ACSM1: variants seen among roughly 807,000 people sequenced by gnomAD.
The protein encoded by ACSM1 is acyl-CoA synthetase medium chain family member 1.
In ACSM1, 79 loss-of-function variants were observed where a neutral mutation model predicts 75.8. The observed-to-expected ratio is 1.04, with a 90% CI of 0.87 to 1.26. ACSM1 has a LOEUF of 1.26. Ranked by LOEUF, ACSM1 falls within the 50% of genes most tolerant of loss-of-function variation. The pLI is 0.00. For synonymous variants in ACSM1, 279 were observed against 265.8 expected (o/e 1.05, Z -0.48); for missense variants, 676 against 720.1 (o/e 0.94, Z 0.70).
chr16:20,682,667 T>G (rs982181634), intron 3 of ACSM1, among the ~76,000 whole-genome samples: 3 of 152,220 alleles, frequency 2.0e-5, no homozygotes, highest in Non-Finnish European at 4.4e-5. Flanking sequence ...TAACAAGTTT[T>G]CCAAGTGATT....
At chr16:20,656,669 T>C (rs766461732) in intron 7 of ACSM1, among the ~76,000 whole-genome samples, 14 of 152,164 alleles carry the variant, frequency 9.2e-5, no homozygotes, top group Admixed American at 7.2e-4. Flanking sequence ...CCTTGTTTAC[T>C]TCAAGGAAGC....
intron 2 of ACSM1, among the ~76,000 whole-genome samples, chr16:20,685,851 A>T (rs1231272730): frequency 6.8e-6 from 1 of 146,804 alleles, no homozygotes; most frequent in African/African-American, 2.5e-5. Flanking sequence ...AAAAAACAAA[A>T]AACTTATAGC....
chr16:20,646,091 T>C (rs2018344009), intron 7 of ACSM1, among the ~76,000 whole-genome samples: 1 of 151,304 alleles, frequency 6.6e-6, no homozygotes, highest in Non-Finnish European at 1.5e-5. Flanking sequence ...AGATCAGGAG[T>C]AGCAGGTGGA....
At chr16:20,633,761 A>G (rs947172989) in intron 10 of ACSM1, among the ~76,000 whole-genome samples, 4 of 152,162 alleles carry the variant, frequency 2.6e-5, no homozygotes, top group African/African-American at 9.7e-5. Context: ...CAGGCGCGGT[A>G]GCTCACATCC....
At chr16:20,664,045 A>G in intron 6 of ACSM1, among the ~76,000 whole-genome samples, 1 of 152,164 alleles carries the variant, frequency 6.6e-6, no homozygotes, top group South Asian at 2.1e-4. Context: ...GGGGTGTGGA[A>G]CGGAGATCAG....
intron 4 of ACSM1, among the ~76,000 whole-genome samples, chr16:20,673,826 G>T (rs745870718): frequency 1.4e-4 from 21 of 152,066 alleles, no homozygotes; most frequent in Non-Finnish European, 2.8e-4. Context: ...CACCTACAAG[G>T]AATATGTAAC....
intron 7 of ACSM1, among the ~76,000 whole-genome samples, chr16:20,657,731 A>G (rs1203568033): frequency 2.6e-5 from 4 of 151,732 alleles, no homozygotes; most frequent in Non-Finnish European, 5.9e-5. Flanking sequence ...AGCATTAGGT[A>G]TATCTCCTAA....
intron 10 of ACSM1, among the ~76,000 whole-genome samples, chr16:20,635,563 C>A (rs2017616816): frequency 6.6e-6 from 1 of 150,586 alleles, no homozygotes; most frequent in Non-Finnish European, 1.5e-5. Context: ...ATGTGTTACC[C>A]CATGTTTAAT....
intron 10 of ACSM1, among the ~76,000 whole-genome samples, chr16:20,632,412 T>C (rs900447996): frequency 1.3e-5 from 2 of 152,190 alleles, no homozygotes; most frequent in African/African-American, 2.4e-5. Context: ...TGAACAATTG[T>C]ATGCTAAAAG....
chr16:20,682,320 T>C lies in ACSM1; in HGVS notation c.547A>G (p.Lys183Glu). Residue 183 changes from lysine to glutamate, a missense_variant, in exon 4 of 14, where the codon AAA (lysine) becomes GAA (glutamate). Lys to Glu is a moderately conservative substitution (Grantham distance 56). Transcript: ENST00000520010. ...DSIASQCPSL[K>E]TKLLVSDHSR... ...TGATCAGACACCAGGAGCTTGGTTT[T>C]CAGAGAGGGGCACTGAGAAGCTATG... is the stretch of plus-strand genomic sequence containing the variant. 6.2e-7 allele frequency: 1 copy of C among 1,614,002 alleles called. No individual in the cohort carries two copies. The highest frequency in any genetic ancestry group is 8.5e-7 in the Non-Finnish European group (1 of 1,179,978).
chr16:20,633,477 C>T (rs2017472811), intron 10 of ACSM1, among the ~76,000 whole-genome samples: 1 of 151,880 alleles, frequency 6.6e-6, no homozygotes, highest in African/African-American at 2.4e-5. Flanking sequence ...ATCAGGGAGG[C>T]AAAAGACTTG....
intron 2 of ACSM1, among the ~76,000 whole-genome samples, chr16:20,685,692 T>C (rs1468281966): frequency 1.3e-5 from 2 of 151,752 alleles, no homozygotes; most frequent in African/African-American, 4.8e-5. Flanking sequence ...TGGTGGTGCA[T>C]GCCTGTAATC....
intron 5 of ACSM1, 108 bp from the exon 6 acceptor site, chr16:20,670,094 T>C: frequency 9.1e-7 from 1 of 1,096,352 alleles, no homozygotes; most frequent in South Asian, 1.5e-5. Flanking sequence ...TCTCAGTTCA[T>C]GTGATTTGTG....
rs2079463855 is a variant in ACSM1, at chr16:20,682,351, C to T, written c.516G>A (p.Val172=). ...IVTIDALASE[V]DSIASQCPSL... is the part of the protein sequence containing the mutation. ...AGGGGCACTGAGAAGCTATGGAGTC[C>T]ACCTCTGAGGCAAGGGCATCTATGG... The change falls in exon 4 of 14, where the codon GTG becomes GTA. Residue 172 remains valine (V), a synonymous_variant. Transcript: ENST00000520010. 5 of 1,613,900 alleles carry T rather than the reference C, an allele frequency of 3.1e-6. No individual in the cohort carries two copies. The highest frequency in any genetic ancestry group is 1.7e-5 in the Admixed American group (1 of 59,986).
intron 3 of ACSM1, among the ~76,000 whole-genome samples, chr16:20,683,904 C>CAG (rs1282710142): frequency 6.6e-6 from 1 of 152,088 alleles, no homozygotes; most frequent in Non-Finnish European, 1.5e-5. Flanking sequence ...TATAGGTCTA[C>CAG]AGATGACATG....
In ACSM1 at chr16:20,661,812, A is replaced by C; in HGVS notation, c.974T>G (p.Leu325Arg). The C allele has an allele frequency of 6.2e-7, 1 of 1,610,492 alleles. No homozygotes were observed. The highest frequency in any genetic ancestry group is 8.5e-7 in the Non-Finnish European group (1 of 1,177,304). The change falls in exon 7 of 14, where the codon CTG becomes CGG. Residue 325 changes from leucine (L) to arginine (R), a missense_variant. Coordinates refer to ENST00000520010, the MANE Select transcript of ACSM1 (RefSeq NM_001318890.3). ...ACCATACCTGGTGAAATCCTGCTGC[A>C]GAATCATTCGATATATAGATGATAC... is the stretch of plus-strand genomic sequence containing the variant. ...WGVSSIYRMI[L>R]QQDFTSIRFP...
chr16:20,653,965 C>G (rs1024412225), intron 7 of ACSM1, among the ~76,000 whole-genome samples: 14 of 152,124 alleles, frequency 9.2e-5, no homozygotes, highest in African/African-American at 3.4e-4. Context: ...TAAGCCAAAA[C>G]AACAAAGGTG....
intron 10 of ACSM1, among the ~76,000 whole-genome samples, chr16:20,631,088 C>A (rs555252100): frequency 3.3e-5 from 5 of 152,262 alleles, no homozygotes; most frequent in African/African-American, 1.2e-4. Context: ...TAACAAAATG[C>A]CATAAACTGG....
At chr16:20,673,227 C>T (rs949765469) in intron 4 of ACSM1, among the ~76,000 whole-genome samples, 6 of 151,664 alleles carry the variant, frequency 4.0e-5, no homozygotes, top group African/African-American at 1.2e-4. Context: ...TCAGGAGCTT[C>T]CCCTGGACTG....
Sources: gnomAD v4.1 joint callset for allele counts (sites outside exome capture counted in the v4.1 genomes callset) on GRCh38, gnomAD v4.1.1 for gene constraint, MANE v1.5 for transcripts, NCBI Gene and HGNC (gene_info 2026-07-23, HGNC 2026-07-21) for gene names.